The following GPR158 variants were observed in gnomAD, a reference collection of about 807,000 sequenced individuals.
The protein encoded by GPR158 is G protein-coupled receptor 158.
A neutral mutation model predicts 78.2 loss-of-function variants in GPR158; 30 were observed. That is an observed-to-expected ratio of 0.38 (90% CI 0.29 to 0.52). GPR158 has a LOEUF of 0.52. Among genes scored for constraint, GPR158 ranks in the 20% least tolerant of loss-of-function variants. The pLI is 0.83. For synonymous variants in GPR158, 581 were observed against 591.1 expected, an observed-to-expected ratio of 0.98 and a Z score of 0.25; for missense variants, 1,463 against 1,523.5, an observed-to-expected ratio of 0.96 and a Z score of 0.66.
At chr10:25,223,882 A>C (rs1158802980) in intron 2 of GPR158, among the ~76,000 whole-genome samples, 1 of 152,210 alleles carries the variant, frequency 6.6e-6, no homozygotes, top group Non-Finnish European at 1.5e-5. Context: ...ACAAATTTCA[A>C]AGTTATAAAT....
chr10:25,366,763 A>G (rs1855730069), intron 2 of GPR158, among the ~76,000 whole-genome samples: 1 of 151,176 alleles, frequency 6.6e-6, no homozygotes, highest in Admixed American at 6.6e-5. Flanking sequence ...TCACCATTCT[A>G]CTCTCTGCTT....
chr10:25,400,419 T>C (rs1422310914), intron 3 of GPR158, among the ~76,000 whole-genome samples: 1 of 152,194 alleles, frequency 6.6e-6, no homozygotes, highest in Non-Finnish European at 1.5e-5. Flanking sequence ...TTTAAAAATC[T>C]TTATTTAGAC....
chr10:25,279,198 T>TACC (rs1854231270), intron 2 of GPR158, among the ~76,000 whole-genome samples: 2 of 152,154 alleles, frequency 1.3e-5, no homozygotes, highest in African/African-American at 4.8e-5. Flanking sequence ...CTACTACTAC[T>TACC]ACTAGTTTAC....
intron 2 of GPR158, among the ~76,000 whole-genome samples, chr10:25,345,409 GATTCTAAACCT>G (rs1292140312): frequency 6.6e-6 from 1 of 151,822 alleles, no homozygotes; most frequent in Non-Finnish European, 1.5e-5. Flanking sequence ...ACTCCATGGG[GATTCTAAACCT>G]AAGTCTGAAA....
chr10:25,589,173 A>G, intron 8 of GPR158, 28 bp downstream of exon 8: 1 of 1,533,822 alleles, frequency 6.5e-7, no homozygotes, highest in Non-Finnish European at 8.9e-7. Flanking sequence ...CTAGTAAATA[A>G]CTATTTTATT....
At position 25,412,282 on chromosome 10, in the gene GPR158, A is replaced by C. The variant is rs760507137; in HGVS notation, c.1144A>C (p.Thr382Pro). The change falls in exon 4 of 11, where the codon ACA becomes CCA. Residue 382 changes from threonine (T) to proline (P), a missense_variant. By Grantham distance (38) the Thr-to-Pro change is conservative. Coordinates refer to ENST00000376351, the MANE Select transcript of GPR158 (RefSeq NM_020752.3). ...RGPDQHISGS[T>P]KDVSEEAYVC... is the part of the protein sequence containing the mutation. ...TCCGGATCAGCATATTTCAGGAAGT[A>C]CAAAAGATGTGTCAGAAGAAGCCTA... 10 of 1,614,018 alleles carry C rather than the reference A, an allele frequency of 6.2e-6. No homozygotes were observed. In the South Asian group the frequency reaches 9.9e-5, roughly 16 times the overall value.
At chr10:25,540,733 A>G (rs2130702566) in intron 5 of GPR158, among the ~76,000 whole-genome samples, 1 of 150,528 alleles carries the variant, frequency 6.6e-6, no homozygotes, top group South Asian at 2.1e-4. Context: ...ATAGGTGGGA[A>G]TTGAACAATG....
At chr10:25,544,285 G>GTTTT (rs1185513225) in intron 5 of GPR158, among the ~76,000 whole-genome samples, 1 of 104,554 alleles carries the variant, frequency 9.6e-6, no homozygotes, top group Non-Finnish European at 1.8e-5. Context: ...TCAGCATAGT[G>GTTTT]TTTTATTTTT....
chr10:25,376,700 A>T (rs1588834277), intron 2 of GPR158, among the ~76,000 whole-genome samples: 1 of 151,616 alleles, frequency 6.6e-6, no homozygotes, highest in Non-Finnish European at 1.5e-5. Flanking sequence ...AAGTTATTTC[A>T]GATTCTAGAT....
intron 4 of GPR158, among the ~76,000 whole-genome samples, chr10:25,424,152 A>T (rs7916840): frequency 0.7 from 105,737 of 151,364 alleles, 37,892 homozygotes; most frequent in Non-Finnish European, 0.8. Flanking sequence ...GCATTTTTTC[A>T]TGTGTCTGTT....
At chr10:25,459,871 AAAC>A (rs1835335088) in intron 4 of GPR158, among the ~76,000 whole-genome samples, 1 of 152,214 alleles carries the variant, frequency 6.6e-6, no homozygotes, top group Non-Finnish European at 1.5e-5. Context: ...TGGCTGTTAT[AAAC>A]CTCCATAAGT....
At chr10:25,238,170 A>C (rs1853552975) in intron 2 of GPR158, among the ~76,000 whole-genome samples, 1 of 152,220 alleles carries the variant, frequency 6.6e-6, no homozygotes, top group South Asian at 2.1e-4. Context: ...ATTTGGGCCA[A>C]GGCTGTGGGA....
intron 5 of GPR158, among the ~76,000 whole-genome samples, chr10:25,539,531 T>C (rs1836546043): frequency 1.3e-5 from 2 of 151,784 alleles, no homozygotes; most frequent in Non-Finnish European, 1.5e-5. Flanking sequence ...ATTTTTTTTT[T>C]TTTTTGGACA....
chr10:25,479,559 C>A (rs1333977613), intron 5 of GPR158, among the ~76,000 whole-genome samples: 1 of 151,944 alleles, frequency 6.6e-6, no homozygotes, highest in East Asian at 1.9e-4. Flanking sequence ...GGATTACAGG[C>A]ACCTGTCACC....
intron 2 of GPR158, among the ~76,000 whole-genome samples, chr10:25,241,382 TTCTC>T (rs1853624347): frequency 7.7e-6 from 1 of 129,048 alleles, no homozygotes; most frequent in Non-Finnish European, 1.6e-5. Flanking sequence ...CTCTCTTCTC[TTCTC>T]TTCTCTTCTC....
At chr10:25,180,339 C>T (rs1028519639) in intron 1 of GPR158, among the ~76,000 whole-genome samples, 2 of 152,114 alleles carry the variant, frequency 1.3e-5, no homozygotes, top group Admixed American at 6.6e-5. Context: ...AAAAGTTGTG[C>T]AACTTGCCCA....
intron 7 of GPR158, among the ~76,000 whole-genome samples, chr10:25,575,815 C>T: frequency 6.6e-6 from 1 of 151,950 alleles, no homozygotes; most frequent in East Asian, 1.9e-4. Context: ...AAACAGGAGC[C>T]ATAACGTAGA....
chr10:25,548,195 C>T (rs1836688113), intron 5 of GPR158, among the ~76,000 whole-genome samples: 1 of 152,092 alleles, frequency 6.6e-6, no homozygotes, highest in Non-Finnish European at 1.5e-5. Context: ...TGTAAGCACA[C>T]AGAATATACT....
intron 2 of GPR158, among the ~76,000 whole-genome samples, chr10:25,275,646 G>A (rs1056132623): frequency 2.6e-5 from 4 of 152,112 alleles, no homozygotes; most frequent in Admixed American, 2.6e-4. Context: ...CTCTGACACA[G>A]TATCAAAGAA....
Sources: allele counts gnomAD v4.1 joint callset (sites outside exome capture counted in the v4.1 genomes callset), GRCh38; gene constraint gnomAD v4.1.1; transcripts MANE v1.5; gene names NCBI Gene and HGNC (gene_info 2026-07-23, HGNC 2026-07-21).